PLEKHA6: variants seen among roughly 807,000 people sequenced by gnomAD.
PLEKHA6 encodes pleckstrin homology domain containing A6, also known as pleckstrin homology domain-containing family A member 6.
In PLEKHA6, 60 loss-of-function variants were observed where a neutral mutation model predicts 116.7. The ratio of observed to expected loss-of-function variants is 0.51; its 90% CI spans 0.42 to 0.64. PLEKHA6 has a LOEUF of 0.64. Ranked by LOEUF, PLEKHA6 falls within the 30% of genes least tolerant of loss-of-function variation. The pLI is 0.00. For synonymous variants in PLEKHA6, 489 were observed against 556.1 expected (o/e 0.88, Z 1.70); for missense variants, 1,338 against 1,422.7 (o/e 0.94, Z 0.96).
intron 17 of PLEKHA6, among the ~76,000 whole-genome samples, chr1:204,237,698 C>T (rs979539339): frequency 2.0e-5 from 3 of 152,244 alleles, no homozygotes; most frequent in African/African-American, 7.2e-5. Flanking sequence ...AATTTGCCTT[C>T]AGCTGGCAAG....
At chr1:204,298,390 T>A (rs1272511973) in intron 1 of PLEKHA6, among the ~76,000 whole-genome samples, 4 of 152,140 alleles carry the variant, frequency 2.6e-5, no homozygotes, top group Non-Finnish European at 1.5e-5. Context: ...ATCAAACCAT[T>A]TATGAAAGAC....
intron 10 of PLEKHA6, among the ~76,000 whole-genome samples, chr1:204,250,019 C>T (rs1369690093): frequency 6.6e-6 from 1 of 152,222 alleles, no homozygotes; most frequent in African/African-American, 2.4e-5. Flanking sequence ...CACGGCCTCA[C>T]TTCCCTGCAC....
chr1:204,338,416 A>G (rs1672730879), intron 1 of PLEKHA6, among the ~76,000 whole-genome samples: 1 of 152,220 alleles, frequency 6.6e-6, no homozygotes, highest in African/African-American at 2.4e-5. Flanking sequence ...CCGCTCCATT[A>G]AGGTCATTAG....
chr1:204,234,289 G>A (rs1370883167), intron 17 of PLEKHA6, among the ~76,000 whole-genome samples: 3 of 152,156 alleles, frequency 2.0e-5, no homozygotes, highest in African/African-American at 7.2e-5. Flanking sequence ...CAGGAGAAAG[G>A]CAGGAAACAG....
chr1:204,361,482 C>G (rs1168788480), upstream of PLEKHA6, among the ~76,000 whole-genome samples: 1 of 152,198 alleles, frequency 6.6e-6, no homozygotes, highest in Non-Finnish European at 1.5e-5. Flanking sequence ...AAGGGACTGT[C>G]TTTCCCACCC....
At chr1:204,248,390 G>T (rs185893976) in intron 12 of PLEKHA6, among the ~76,000 whole-genome samples, 352 of 152,116 alleles carry the variant, frequency 2.3e-3, no homozygotes, top group Non-Finnish European at 4.0e-3. Context: ...CCACCCTCAG[G>T]TGATCCACCC....
intron 1 of PLEKHA6, among the ~76,000 whole-genome samples, chr1:204,354,004 C>G (rs1011295120): frequency 6.6e-6 from 1 of 152,164 alleles, no homozygotes; most frequent in Non-Finnish European, 1.5e-5. Context: ...CAAGCAAAAC[C>G]AGAACAATGA....
At chr1:204,294,543 A>T (rs1670080881) in intron 1 of PLEKHA6, among the ~76,000 whole-genome samples, 1 of 152,220 alleles carries the variant, frequency 6.6e-6, no homozygotes, top group African/African-American at 2.4e-5. Flanking sequence ...TTCCCACTTT[A>T]TGTTAGTTGT....
intron 18 of PLEKHA6, 32 bp from the exon 19 acceptor site, chr1:204,229,136 G>T: frequency 6.2e-7 from 1 of 1,600,470 alleles, no homozygotes; most frequent in South Asian, 1.1e-5. Context: ...ATTGCACCAT[G>T]GCTACCCATG....
At chr1:204,227,668 A>C (rs1007198154) in intron 21 of PLEKHA6, among the ~76,000 whole-genome samples, 9 of 152,178 alleles carry the variant, frequency 5.9e-5, no homozygotes, top group Non-Finnish European at 1.3e-4. Context: ...CATGCAGCAA[A>C]AGCAGGAAAT....
At chr1:204,253,324 T>TAAA (rs568121850) in intron 9 of PLEKHA6, among the ~76,000 whole-genome samples, 36 of 147,686 alleles carry the variant, frequency 2.4e-4, no homozygotes, top group African/African-American at 8.2e-4. Context: ...TTTCCAAGAT[T>TAAA]AAAAAAAAAA....
intron 9 of PLEKHA6, among the ~76,000 whole-genome samples, chr1:204,253,579 C>G (rs1664853049): frequency 6.6e-6 from 1 of 152,122 alleles, no homozygotes; most frequent in Admixed American, 6.5e-5. Context: ...AACCCTAGCA[C>G]TTTGAGAGGC....
chr1:204,274,873 G>A (rs990883042), intron 1 of PLEKHA6, 64 bp from the exon 2 acceptor site: 61 of 985,586 alleles, frequency 6.2e-5, no homozygotes, highest in Middle Eastern at 5.2e-4. Flanking sequence ...AAGCCAATGC[G>A]TGGACAGACC....
At chr1:204,244,762 G>A in intron 15 of PLEKHA6, 102 bp downstream of exon 15, 1 of 866,086 alleles carries the variant, frequency 1.2e-6, no homozygotes. Context: ...TAGGGCTGGA[G>A]GCCTGTGGGG....
At chr1:204,335,246 C>T (rs944582854) in intron 1 of PLEKHA6, among the ~76,000 whole-genome samples, 1 of 152,106 alleles carries the variant, frequency 6.6e-6, no homozygotes, top group Non-Finnish European at 1.5e-5. Context: ...CATACACAAT[C>T]TCTCCCATTC....
Position 204,291,434 on chromosome 1 carries a change from A to C in PLEKHA6, c.-94-16625T>G, listed in dbSNP as rs535303551. On this transcript the variant is annotated intron_variant, in intron 1 of 22. Coordinates refer to ENST00000272203, the MANE Select transcript of PLEKHA6 (RefSeq NM_014935.5). ...TGACTTCACTCCTAGGCATTTACCC[A>C]AAAAAAAGGAAAGCATATGTCCACA... is the stretch of plus-strand genomic sequence containing the variant. Among the ~76,000 whole-genome samples the C allele has an allele frequency of 1.5e-4, 23 of 152,064 alleles. No homozygotes were observed. In the East Asian group the frequency reaches 1.5e-3, roughly 10 times the overall value.
At chr1:204,254,628 T>C (rs1665033624) in intron 9 of PLEKHA6, among the ~76,000 whole-genome samples, 1 of 152,164 alleles carries the variant, frequency 6.6e-6, no homozygotes, top group South Asian at 2.1e-4. Context: ...GTGCTTTAGT[T>C]TCCTCAGCTG....
chr1:204,345,880 G>A (rs184493119), intron 1 of PLEKHA6, among the ~76,000 whole-genome samples: 3 of 151,690 alleles, frequency 2.0e-5, no homozygotes, highest in African/African-American at 4.8e-5. Flanking sequence ...CTTCCCAGTC[G>A]CTCTCCACAC....
rs189344909 is a variant in PLEKHA6, at chr1:204,250,530, G to A, written c.1593+16C>T. ...AGGCTGGAGTGGAGGGAGGGAGCAG[G>A]GGGCGCTGCTCTTACATCTGTGTCT... On this transcript the variant is annotated intron_variant, in intron 10 of 22. Coordinates refer to ENST00000272203, the MANE Select transcript of PLEKHA6 (RefSeq NM_014935.5). The A allele has an allele frequency of 5.9e-5, 93 of 1,586,448 alleles. No individual in the cohort carries two copies. In the Middle Eastern group the frequency reaches 8.3e-4, roughly 14 times the overall value.
Sources: allele counts gnomAD v4.1 joint callset (sites outside exome capture counted in the v4.1 genomes callset), GRCh38; gene constraint gnomAD v4.1.1; transcripts MANE v1.5; gene names NCBI Gene and HGNC (gene_info 2026-07-23, HGNC 2026-07-21).